GPHN: variants seen among roughly 807,000 people sequenced by gnomAD.
GPHN encodes the protein gephyrin.
A neutral mutation model predicts 95.5 loss-of-function variants in GPHN; 17 were observed. That is an observed-to-expected ratio of 0.18 (90% CI 0.12 to 0.27). The LOEUF is 0.27. Among genes scored for constraint, GPHN ranks in the 10% least tolerant of loss-of-function variants. GPHN has a pLI of 1.00. For synonymous variants in GPHN, 320 were observed against 322.5 expected (o/e 0.99, Z 0.08); for missense variants, 660 against 978.1 (o/e 0.67, Z 4.34).
chr14:66,917,934 A>T (rs1171313822), intron 6 of GPHN, among the ~76,000 whole-genome samples: 1 of 152,138 alleles, frequency 6.6e-6, no homozygotes, highest in African/African-American at 2.4e-5. Flanking sequence ...CTTATTTTTG[A>T]CACCAACTGT....
chr14:67,511,918 C>T, the GPHN span, among the ~76,000 whole-genome samples: 1 of 152,230 alleles, frequency 6.6e-6, no homozygotes, highest in Non-Finnish European at 1.5e-5. Context: ...TCAGTTCTAT[C>T]TGTGGATGTG....
chr14:67,680,834 G>A, the GPHN span, among the ~76,000 whole-genome samples: 2 of 152,184 alleles, frequency 1.3e-5, no homozygotes, highest in African/African-American at 2.4e-5. Context: ...ATTTTGCTAA[G>A]AATTAGTATA....
intron 2 of GPHN, among the ~76,000 whole-genome samples, chr14:66,745,245 G>T (rs1412106967): frequency 6.6e-6 from 1 of 152,024 alleles, no homozygotes; most frequent in Non-Finnish European, 1.5e-5. Flanking sequence ...TGCACACCTA[G>T]ATTCTCATGA....
chr14:66,520,937 A>G (rs1224713660), intron 1 of GPHN, among the ~76,000 whole-genome samples: 1 of 152,042 alleles, frequency 6.6e-6, no homozygotes, highest in Admixed American at 6.6e-5. Flanking sequence ...CCCACTTATA[A>G]GTGAGAACAT....
At chr14:67,576,378 T>A in the GPHN span, 1 of 1,510,098 alleles carries the variant, frequency 6.6e-7, no homozygotes, top group Non-Finnish European at 9.2e-7. The surrounding 1 kb of genome is among the most constrained non-coding windows in gnomAD (Gnocchi z 4.0). Context: ...ATCCGATGGC[T>A]TTCCGCCCTC....
At chr14:66,526,620 A>G (rs1258541483) in intron 1 of GPHN, among the ~76,000 whole-genome samples, 1 of 152,168 alleles carries the variant, frequency 6.6e-6, no homozygotes, top group Non-Finnish European at 1.5e-5. Context: ...TGGGTTTGTC[A>G]TAAATAGCTC....
At chr14:66,990,026 AG>A (rs2071298108) in intron 9 of GPHN, among the ~76,000 whole-genome samples, 1 of 152,152 alleles carries the variant, frequency 6.6e-6, no homozygotes, top group Non-Finnish European at 1.5e-5. Context: ...TAAAGAAAAA[AG>A]GTCCAATTGA....
At chr14:67,623,944 G>A in the GPHN span, among the ~76,000 whole-genome samples, 28 of 152,164 alleles carry the variant, frequency 1.8e-4, no homozygotes, top group East Asian at 2.1e-3. Flanking sequence ...GGACTCAAGC[G>A]ATCCTCCCAC....
At chr14:67,391,592 G>A in the GPHN span, among the ~76,000 whole-genome samples, 3 of 152,308 alleles carry the variant, frequency 2.0e-5, no homozygotes, top group East Asian at 1.9e-4. Flanking sequence ...GAGTGGTGCC[G>A]AGCCGTGTAG....
chr14:67,081,889 G>A (rs1305861845), intron 11 of GPHN, among the ~76,000 whole-genome samples: 10 of 152,016 alleles, frequency 6.6e-5, no homozygotes, highest in Admixed American at 2.6e-4. Flanking sequence ...TGTTTGCTTT[G>A]TCAACGATCA....
chr14:66,899,122 CTT>C (rs149566081), intron 5 of GPHN, among the ~76,000 whole-genome samples: 1,375 of 130,766 alleles, frequency 0.011, 14 homozygotes, highest in African/African-American at 0.033. Flanking sequence ...AGGGCTTTTT[CTT>C]TTTTTTTTTT....
At chr14:67,586,883 A>G in the GPHN span, 3 of 1,524,756 alleles carry the variant, frequency 2.0e-6, no homozygotes, top group South Asian at 3.6e-5. Context: ...CTCCAGACCA[A>G]CAGGAGCCCA....
the GPHN span, among the ~76,000 whole-genome samples, chr14:67,625,124 G>A: frequency 3.8e-4 from 57 of 151,716 alleles, no homozygotes; most frequent in Non-Finnish European, 7.1e-4. Context: ...ATAGTCTTCA[G>A]TAAATGGTGC....
chr14:67,004,771 A>C (rs2072486618), intron 9 of GPHN, among the ~76,000 whole-genome samples: 1 of 151,800 alleles, frequency 6.6e-6, no homozygotes, highest in African/African-American at 2.4e-5. Context: ...AAATGCCGTA[A>C]TACCTCTTTA....
At chr14:67,575,781 C>T in the GPHN span, 2 of 1,511,636 alleles carry the variant, frequency 1.3e-6, no homozygotes, top group South Asian at 1.2e-5. Flanking sequence ...ACTCCCTCAT[C>T]CCCCACTGGC....
chr14:66,919,336 G>A lies in GPHN; in HGVS notation c.456+3267G>A, dbSNP rs1317560034. ...TTGTATTTTCCCAAGAAAAGGAGAA[G>A]GGATAGGAAAAGAGTCAGCATGTGT... is the stretch of plus-strand genomic sequence containing the variant. On this transcript the variant is annotated intron_variant, in intron 6 of 22. Transcript: ENST00000478722. 2.6e-5 allele frequency among the ~76,000 whole-genome samples: 4 copies of A among 152,252 alleles called. No homozygotes were observed. The East Asian group carries it at 7.7e-4, about 29-fold the overall frequency.
chr14:67,445,184 T>C, the GPHN span, among the ~76,000 whole-genome samples: 1 of 152,214 alleles, frequency 6.6e-6, no homozygotes, highest in Non-Finnish European at 1.5e-5. Context: ...GCAGTGATCA[T>C]AAGTAGAGCA....
intron 4 of GPHN, among the ~76,000 whole-genome samples, chr14:66,875,400 C>T (rs1252083003): frequency 1.3e-5 from 2 of 152,198 alleles, no homozygotes; most frequent in Non-Finnish European, 2.9e-5. Flanking sequence ...CAAATTCACA[C>T]ATAACAATGT....
At chr14:67,094,800 T>C (rs1362525055) in intron 12 of GPHN, among the ~76,000 whole-genome samples, 2 of 152,196 alleles carry the variant, frequency 1.3e-5, no homozygotes, top group African/African-American at 2.4e-5. Context: ...CCAAGTGAGA[T>C]TGTAGCCATT....
Sources: allele counts gnomAD v4.1 joint callset (sites outside exome capture counted in the v4.1 genomes callset), GRCh38; gene constraint gnomAD v4.1.1; non-coding constraint Gnocchi (gnomAD v3.1); transcripts MANE v1.5; gene names NCBI Gene and HGNC (gene_info 2026-07-23, HGNC 2026-07-21).